The following RPS6KA2 variants were observed in gnomAD, a reference collection of about 807,000 sequenced individuals.
RPS6KA2 encodes ribosomal protein S6 kinase alpha-2.
RPS6KA2 carries 42 observed loss-of-function variants against 91.8 expected under a neutral mutation model. The ratio of observed to expected loss-of-function variants is 0.46; its 90% confidence interval spans 0.36 to 0.59. The LOEUF (loss-of-function observed/expected upper bound fraction) is 0.59. Among genes scored for constraint, RPS6KA2 ranks in the 20% least tolerant of loss-of-function variants. The probability of loss-of-function intolerance (pLI) is 0.00; values close to 1 mark genes in which losing one functional copy is unlikely to be tolerated. For missense variants in RPS6KA2, 798 were observed against 978.5 expected (o/e 0.82, Z 2.46); for synonymous variants, 414 against 393.6 (o/e 1.05, Z -0.61).
intron 13 of RPS6KA2, among the ~76,000 whole-genome samples, 168 bp from the exon 14 acceptor site, chr6:166,449,017 T>C (rs377576314): frequency 1.2e-4 from 19 of 152,126 alleles, no homozygotes; most frequent in East Asian, 1.2e-3. Context: ...AGCTACTTAG[T>C]GATGTTCTTG....
intron 2 of RPS6KA2, among the ~76,000 whole-genome samples, chr6:166,634,077 G>A (rs1294522723): frequency 6.6e-6 from 1 of 152,194 alleles, no homozygotes; most frequent in Non-Finnish European, 1.5e-5. Context: ...AGGGAATGAC[G>A]TTTGTTCTCA....
In RPS6KA2 at chr6:166,440,430, C is replaced by G. The variant is rs186581903; in HGVS notation, c.1333-7940G>C. 3 of 152,192 alleles carry G rather than the reference C, an allele frequency of 2.0e-5. No individual in the cohort carries two copies. The East Asian group carries it at 5.8e-4, about 29-fold the overall frequency. The allele number at this position is 152,192 out of a possible 1,614,324, so 9.4% of individuals were successfully genotyped here. On this transcript the variant is annotated intron_variant, in intron 14 of 20. Coordinates refer to ENST00000265678, the MANE Select transcript of RPS6KA2 (RefSeq NM_021135.6). ...AAGCAAAAGTGCAGCTCGCTGCCAG[C>G]GCTCATTTGATTTTACATAAACATG...
chr6:166,424,684 G>C (rs1352173819), intron 16 of RPS6KA2, among the ~76,000 whole-genome samples: 2 of 152,212 alleles, frequency 1.3e-5, no homozygotes, highest in African/African-American at 4.8e-5. Flanking sequence ...GGGTTAGGGA[G>C]TCAGTGAATG....
At chr6:166,432,515 G>A in intron 14 of RPS6KA2, 25 bp from the exon 15 acceptor site, 12 of 1,475,312 alleles carry the variant, frequency 8.1e-6, no homozygotes, top group Non-Finnish European at 1.1e-5. Context: ...GCACATGGCA[G>A]TGAGGGGTCT....
At chr6:166,661,525 T>C (rs1311644243) in intron 2 of RPS6KA2, among the ~76,000 whole-genome samples, 1 of 152,218 alleles carries the variant, frequency 6.6e-6, no homozygotes, top group Non-Finnish European at 1.5e-5. Flanking sequence ...ATTTTTCCTA[T>C]TGCAGAGTCA....
intron 2 of RPS6KA2, among the ~76,000 whole-genome samples, chr6:166,681,515 A>G (rs1788807105): frequency 6.6e-6 from 1 of 152,070 alleles, no homozygotes; most frequent in South Asian, 2.1e-4. Flanking sequence ...ACGGCTGACC[A>G]GTGTGACCAG....
rs61598780 is a variant in RPS6KA2 at position 166,544,249 on chromosome 6, A to G, written c.100-5465T>C. 3.7e-3 allele frequency among the ~76,000 whole-genome samples: 565 copies of G among 152,382 alleles called. 2 individuals carry two copies. The highest frequency in any genetic ancestry group is 0.012 in the African/African-American group (505 of 41,586). On this transcript the variant is annotated intron_variant, in intron 1 of 20. Transcript: ENST00000265678. ...TAGTCTACCACGCCGCTAGAATGGA[A>G]GCTCAGGAATGCTTTTAAAGGGAGA...
intron 2 of RPS6KA2, among the ~76,000 whole-genome samples, chr6:166,799,698 A>G (rs1357510344): frequency 1.3e-5 from 2 of 152,214 alleles, no homozygotes; most frequent in Admixed American, 6.5e-5. Context: ...TGGAATATCA[A>G]TGTTTTGAAA....
At chr6:166,426,170 A>G (rs1778910789) in intron 16 of RPS6KA2, among the ~76,000 whole-genome samples, 1 of 152,132 alleles carries the variant, frequency 6.6e-6, no homozygotes, top group African/African-American at 2.4e-5. Context: ...TCTCAACTAC[A>G]TGGAAACTGA....
At chr6:166,847,955 A>G (rs1448099595) in intron 2 of RPS6KA2, among the ~76,000 whole-genome samples, 1 of 152,244 alleles carries the variant, frequency 6.6e-6, no homozygotes, top group African/African-American at 2.4e-5. Context: ...AAAAGAAATG[A>G]TCAGCAGAGT....
At chr6:166,750,781 T>A (rs1791257576) in intron 2 of RPS6KA2, among the ~76,000 whole-genome samples, 1 of 151,878 alleles carries the variant, frequency 6.6e-6, no homozygotes, top group South Asian at 2.1e-4. Context: ...ACTGAGGAGG[T>A]CAGGAACTCT....
intron 1 of RPS6KA2, among the ~76,000 whole-genome samples, chr6:166,611,154 T>C (rs944835860): frequency 1.3e-5 from 2 of 152,242 alleles, no homozygotes; most frequent in East Asian, 3.8e-4. Context: ...ATTTCTACTA[T>C]GTTTTGAAGC....
chr6:166,839,304 A>T (rs982319703), intron 2 of RPS6KA2, among the ~76,000 whole-genome samples: 2 of 152,170 alleles, frequency 1.3e-5, no homozygotes, highest in South Asian at 2.1e-4. Flanking sequence ...TATATATTTT[A>T]TACTGTGATG....
At chr6:166,559,915 CCA>C (rs1399334566) in intron 1 of RPS6KA2, among the ~76,000 whole-genome samples, 1 of 152,152 alleles carries the variant, frequency 6.6e-6, no homozygotes, top group Non-Finnish European at 1.5e-5. Context: ...AACTAAAGAT[CCA>C]CATTTTTACA....
At chr6:166,647,759 C>G (rs970900112) in intron 2 of RPS6KA2, among the ~76,000 whole-genome samples, 13 of 152,092 alleles carry the variant, frequency 8.5e-5, no homozygotes, top group Non-Finnish European at 1.6e-4. Flanking sequence ...CACACACACA[C>G]ACACGCACAT....
At chr6:166,782,011 C>T (rs371532473) in intron 2 of RPS6KA2, among the ~76,000 whole-genome samples, 14 of 152,264 alleles carry the variant, frequency 9.2e-5, no homozygotes, top group East Asian at 3.9e-4. Context: ...CTCTAGAGGC[C>T]GGGCATGGTG....
In RPS6KA2 at chr6:166,480,514, T is replaced by TATAA. The variant is rs1554279395; in HGVS notation, c.907+8318_907+8319insTTAT. 4.4e-4 allele frequency among the ~76,000 whole-genome samples: 49 copies of TATAA among 110,728 alleles called. 1 individual carries two copies. The highest frequency in any genetic ancestry group is 9.3e-4 in the African/African-American group (24 of 25,706). 72.6% of individuals were successfully genotyped at this position (110,728 alleles called of 152,430 possible). A position where few individuals can be genotyped will look rare whatever the true frequency, so the allele number is the denominator to read the frequency against. ...ATATATATATATATATATATATATA[T>TATAA]AATATATTTTTTTTTTTTGAGAGAG... On this transcript the variant is annotated intron_variant, in intron 10 of 20. Coordinates refer to ENST00000265678, the MANE Select transcript of RPS6KA2 (RefSeq NM_021135.6).
chr6:166,531,453 T>C (rs1783273858), intron 2 of RPS6KA2, 140 bp from the exon 3 acceptor site: 1 of 673,754 alleles, frequency 1.5e-6, no homozygotes, highest in African/African-American at 1.8e-5. Context: ...TAAAATTTTC[T>C]CCAACGTCAA....
chr6:166,667,662 C>A (rs1460373017), intron 2 of RPS6KA2, among the ~76,000 whole-genome samples: 1 of 152,140 alleles, frequency 6.6e-6, no homozygotes, highest in African/African-American at 2.4e-5. Context: ...GACTGTGCAC[C>A]CCGACCCCCT....
Sources: gnomAD v4.1 joint callset for allele counts (sites outside exome capture counted in the v4.1 genomes callset) on GRCh38, gnomAD v4.1.1 for gene constraint, MANE v1.5 for transcripts, NCBI Gene and HGNC (gene_info 2026-07-23, HGNC 2026-07-21) for gene names.